Variants in COLGALT2 observed in about 807,000 individuals in gnomAD.
COLGALT2 encodes procollagen galactosyltransferase 2.
COLGALT2 carries 49 observed loss-of-function variants against 73.4 expected under a neutral mutation model. The observed-to-expected ratio is 0.67, with a 90% CI of 0.53 to 0.85. The LOEUF is 0.85. Ranked by LOEUF, COLGALT2 falls within the 40% of genes least tolerant of loss-of-function variation. The pLI is 0.00. For missense variants in COLGALT2, 722 were observed against 790.2 expected, an observed-to-expected ratio of 0.91 and a Z score of 1.03; for synonymous variants, 295 against 307.6, an observed-to-expected ratio of 0.96 and a Z score of 0.43.
chr1:183,985,883 A>G (rs1326394372), intron 1 of COLGALT2, among the ~76,000 whole-genome samples: 1 of 152,222 alleles, frequency 6.6e-6, no homozygotes, highest in African/African-American at 2.4e-5. Context: ...GAGACTTCAA[A>G]CACTGAACTA....
chr1:183,957,999 T>C lies in COLGALT2; in HGVS notation c.953-3161A>G, dbSNP rs188771265. On this transcript the variant is annotated intron_variant, in intron 6 of 11. Coordinates refer to ENST00000361927, the MANE Select transcript of COLGALT2 (RefSeq NM_015101.4). ...ACTTCCTATCACCTTATGCTGTAAT[T>C]TGCAAGAGTAATCTCCTCATGCTTT... 2.9e-3 allele frequency among the ~76,000 whole-genome samples: 434 copies of C among 152,222 alleles called. 4 individuals are homozygous for C. Among genetic ancestry groups the C allele is most frequent in the African/African-American group, 0.01 (419 of 41,538 alleles).
At chr1:183,961,511 G>A (rs1292036476) in intron 6 of COLGALT2, among the ~76,000 whole-genome samples, 4 of 152,152 alleles carry the variant, frequency 2.6e-5, no homozygotes, top group South Asian at 2.1e-4. Flanking sequence ...GGTAAATGGA[G>A]TCATAATAAT....
At chr1:183,995,902 CTT>C (rs1671758031) in intron 1 of COLGALT2, among the ~76,000 whole-genome samples, 1 of 151,890 alleles carries the variant, frequency 6.6e-6, no homozygotes, top group Admixed American at 6.6e-5. Flanking sequence ...ATTTTTACTC[CTT>C]TTTACTCCTT....
intron 1 of COLGALT2, among the ~76,000 whole-genome samples, chr1:184,008,179 T>C (rs1672134259): frequency 1.3e-5 from 2 of 152,128 alleles, no homozygotes; most frequent in South Asian, 4.1e-4. Flanking sequence ...TCCAAATGGA[T>C]AAACAAAAGC....
chr1:183,935,175 C>CT (rs1669923317), downstream of COLGALT2, among the ~76,000 whole-genome samples: 2 of 152,244 alleles, frequency 1.3e-5, no homozygotes, highest in East Asian at 3.8e-4. Flanking sequence ...ACCCAAATGT[C>CT]ACCTTCTCAG....
At chr1:184,034,809 C>T (rs1649623055) in intron 1 of COLGALT2, among the ~76,000 whole-genome samples, 1 of 152,212 alleles carries the variant, frequency 6.6e-6, no homozygotes, top group Non-Finnish European at 1.5e-5. Flanking sequence ...ACTTTAAACA[C>T]ATTTCTTCTT....
chr1:183,945,597 A>T, intron 8 of COLGALT2, 33 bp from the exon 9 acceptor site: 1 of 1,611,486 alleles, frequency 6.2e-7, no homozygotes, highest in Non-Finnish European at 8.5e-7. Context: ...GGAGATTAAC[A>T]AGTCAAAGGT....
intron 5 of COLGALT2, among the ~76,000 whole-genome samples, chr1:183,968,515 A>G (rs1670940828): frequency 6.6e-6 from 1 of 152,186 alleles, no homozygotes; most frequent in African/African-American, 2.4e-5. Context: ...GTGCCTCTTT[A>G]TCTGTTCTTT....
intron 1 of COLGALT2, among the ~76,000 whole-genome samples, chr1:184,007,993 A>G (rs1242118915): frequency 1.3e-5 from 2 of 152,226 alleles, no homozygotes; most frequent in Admixed American, 1.3e-4. Context: ...CCTGCTAACT[A>G]AGAACTAAAA....
chr1:184,000,922 C>A (rs980505656), intron 1 of COLGALT2, among the ~76,000 whole-genome samples: 2 of 151,416 alleles, frequency 1.3e-5, no homozygotes, highest in African/African-American at 4.9e-5. Flanking sequence ...CTCTGCCTCC[C>A]GGGTTCACGC....
At chr1:183,985,015 G>A (rs1181600237) in intron 1 of COLGALT2, among the ~76,000 whole-genome samples, 1 of 151,832 alleles carries the variant, frequency 6.6e-6, no homozygotes, top group South Asian at 2.1e-4. Flanking sequence ...AAAAAAAATT[G>A]AGATTTATCT....
chr1:183,971,666 C>T (rs1671040328), intron 4 of COLGALT2, among the ~76,000 whole-genome samples: 1 of 152,212 alleles, frequency 6.6e-6, no homozygotes, highest in Non-Finnish European at 1.5e-5. Flanking sequence ...AAATCTCTTA[C>T]AGCTAGAAGA....
chr1:183,978,020 A>C (rs1351619681), intron 2 of COLGALT2, among the ~76,000 whole-genome samples: 1 of 152,162 alleles, frequency 6.6e-6, no homozygotes. Flanking sequence ...TAGCTCCTTA[A>C]CTATTGCTAT....
intron 1 of COLGALT2, among the ~76,000 whole-genome samples, chr1:183,994,542 C>T (rs541819444): frequency 6.6e-6 from 1 of 151,742 alleles, no homozygotes; most frequent in East Asian, 1.9e-4. Context: ...GCAACCTCCG[C>T]CTTCCAGGTT....
intron 8 of COLGALT2, among the ~76,000 whole-genome samples, chr1:183,949,482 G>GA (rs1272465566): frequency 6.6e-6 from 1 of 152,170 alleles, no homozygotes; most frequent in Non-Finnish European, 1.5e-5. Context: ...CGAGGGAAAC[G>GA]AAAGTCTTTT....
intron 1 of COLGALT2, among the ~76,000 whole-genome samples, chr1:183,993,672 C>T (rs1671691944): frequency 1.3e-5 from 2 of 152,222 alleles, no homozygotes; most frequent in Admixed American, 1.3e-4. Context: ...CTAGCTGCCA[C>T]CATGTTCTTT....
intron 5 of COLGALT2, among the ~76,000 whole-genome samples, 177 bp downstream of exon 5, chr1:183,969,092 A>G (rs1451154963): frequency 6.6e-6 from 1 of 151,966 alleles, no homozygotes; most frequent in Non-Finnish European, 1.5e-5. Context: ...GCTCTTGGTC[A>G]TTGGTGCTCC....
At chr1:183,942,599 A>G (rs1209365349) in intron 10 of COLGALT2, among the ~76,000 whole-genome samples, 1 of 152,158 alleles carries the variant, frequency 6.6e-6, no homozygotes, top group Non-Finnish European at 1.5e-5. Flanking sequence ...TTTTCCTGGA[A>G]AGATGTAATG....
At position 184,037,110 on chromosome 1, in the gene COLGALT2, C is replaced by T. The variant is rs766944847; in HGVS notation, c.248G>A (p.Ser83Asn). 1 of 1,592,030 alleles carries T rather than the reference C, an allele frequency of 6.3e-7. No individual in the cohort carries two copies. Among genetic ancestry groups the T allele is most frequent in the Non-Finnish European group, 8.5e-7 (1 of 1,171,892 alleles). The change falls in exon 1 of 12, where the codon AGC becomes AAC. Residue 83 changes from serine to asparagine, a missense_variant. Transcript: ENST00000361927. Reference protein sequence around the residue: ...GCLERLDYPKSRMAIWAATDH... With the variant: ...GCLERLDYPKNRMAIWAATDH... ...GCGCGCTCACCAGATGGCCATCCTGCTCTTGGGGTAGTCCAGCCGCTCCAG... is the reference window on the plus strand; with the variant it reads ...GCGCGCTCACCAGATGGCCATCCTGTTCTTGGGGTAGTCCAGCCGCTCCAG...
Sources: gnomAD v4.1 joint callset for allele counts (sites outside exome capture counted in the v4.1 genomes callset) on GRCh38, gnomAD v4.1.1 for gene constraint, MANE v1.5 for transcripts, NCBI Gene and HGNC (gene_info 2026-07-23, HGNC 2026-07-21) for gene names.